The following RIC1 variants were observed in gnomAD, a reference collection of about 807,000 sequenced individuals.
The protein encoded by RIC1 is RIC1 partner of RAB6A GEF complex.
Under a neutral mutation model 169.0 loss-of-function variants are expected in RIC1, and 88 were observed. That is an observed-to-expected ratio of 0.52 (90% CI 0.44 to 0.62). RIC1 has a LOEUF of 0.62. RIC1 is among the 20% of genes least tolerant of loss of function. RIC1 has a pLI of 0.00. For synonymous variants in RIC1, 790 were observed against 601.5 expected (o/e 1.31, Z -4.59); for missense variants, 1,877 against 1,725.5 (o/e 1.09, Z -1.56).
chr9:5,690,399 A>G (rs909629044), intron 3 of RIC1, among the ~76,000 whole-genome samples: 1 of 152,078 alleles, frequency 6.6e-6, no homozygotes, highest in East Asian at 1.9e-4. Flanking sequence ...TTGTATATGC[A>G]TAGAAAAAAA....
chr9:5,721,275 A>G (rs1428695653), intron 6 of RIC1, among the ~76,000 whole-genome samples: 2 of 152,162 alleles, frequency 1.3e-5, no homozygotes, highest in African/African-American at 4.8e-5. Context: ...TTTGCTCCTT[A>G]GTTTAGCTAA....
chr9:5,639,621 T>A (rs1818138032), intron 1 of RIC1, among the ~76,000 whole-genome samples: 1 of 152,260 alleles, frequency 6.6e-6, no homozygotes, highest in Non-Finnish European at 1.5e-5. Flanking sequence ...TAGTGCAGAT[T>A]AAGTCCGATG....
intron 17 of RIC1, 92 bp from the exon 18 acceptor site, chr9:5,762,449 T>G (rs1391212997): frequency 2.8e-6 from 4 of 1,449,876 alleles, no homozygotes; most frequent in Non-Finnish European, 3.8e-6. Flanking sequence ...TAATGTAGAT[T>G]GTTTGACCTA....
In RIC1 at chr9:5,736,215, C is replaced by T. The variant is rs1587067520; in HGVS notation, c.813-2235C>T. The stretch of plus-strand genomic sequence containing the variant: ...ACAAACACCTGCTACCCACTTAGTG[C>T]TGTCTCTCAGCAAGAGTTGATCTAT... On this transcript the variant is annotated intron_variant, in intron 7 of 25. Transcript: ENST00000414202. Among the ~76,000 whole-genome samples, 3 of 152,208 alleles carry T rather than the reference C, an allele frequency of 2.0e-5. No individual in the cohort carries two copies. In the South Asian group the frequency reaches 6.2e-4, roughly 32 times the overall value.
At chr9:5,636,276 T>A (rs1214537929) in intron 1 of RIC1, among the ~76,000 whole-genome samples, 9 of 152,078 alleles carry the variant, frequency 5.9e-5, no homozygotes, top group Admixed American at 5.2e-4. Flanking sequence ...GTATTCTAAG[T>A]ATTTAGTTTT....
At chr9:5,667,500 C>A (rs1050672693) in intron 2 of RIC1, among the ~76,000 whole-genome samples, 1 of 149,628 alleles carries the variant, frequency 6.7e-6, no homozygotes, top group Non-Finnish European at 1.5e-5. Flanking sequence ...CCCTCCACCG[C>A]CACCTTTTTT....
intron 6 of RIC1, among the ~76,000 whole-genome samples, chr9:5,728,153 A>G (rs1824119172): frequency 6.6e-6 from 1 of 152,256 alleles, no homozygotes; most frequent in African/African-American, 2.4e-5. Flanking sequence ...TGGAGTCTAC[A>G]GAGGCAGGCA....
At chr9:5,693,247 G>A (rs554368385) in intron 3 of RIC1, among the ~76,000 whole-genome samples, 4 of 152,234 alleles carry the variant, frequency 2.6e-5, no homozygotes, top group Admixed American at 6.5e-5. Flanking sequence ...AATCTTACAA[G>A]TTCATCACAG....
intron 1 of RIC1, among the ~76,000 whole-genome samples, chr9:5,639,423 T>G (rs887987083): frequency 6.6e-6 from 1 of 152,252 alleles, no homozygotes; most frequent in Non-Finnish European, 1.5e-5. Flanking sequence ...TTGTTCTTAT[T>G]GATTTCTAGT....
chr9:5,689,764 A>G (rs1267679171), intron 2 of RIC1, among the ~76,000 whole-genome samples, 195 bp from the exon 3 acceptor site: 1 of 152,194 alleles, frequency 6.6e-6, no homozygotes, highest in African/African-American at 2.4e-5. Flanking sequence ...AGATTTTGAA[A>G]TCTGTAAAAA....
At chr9:5,681,835 CGTGCTCCTGTATTGG>C (rs1820861831) in intron 2 of RIC1, among the ~76,000 whole-genome samples, 1 of 151,856 alleles carries the variant, frequency 6.6e-6, no homozygotes, top group African/African-American at 2.4e-5. Flanking sequence ...TCCTGTATTG[CGTGCTCCTGTATTGG>C]GTGCATATAT....
intron 1 of RIC1, among the ~76,000 whole-genome samples, chr9:5,631,019 G>T (rs1454325831): frequency 6.6e-6 from 1 of 152,112 alleles, no homozygotes; most frequent in Non-Finnish European, 1.5e-5. Context: ...TAAAAAGGCA[G>T]ACCTAACTTA....
intron 3 of RIC1, among the ~76,000 whole-genome samples, chr9:5,697,721 A>G (rs894548987): frequency 5.3e-5 from 8 of 152,212 alleles, no homozygotes; most frequent in African/African-American, 1.9e-4. Flanking sequence ...CAGAATTTAC[A>G]TAGGACTGCC....
At chr9:5,730,388 C>G (rs1269014860) in intron 6 of RIC1, among the ~76,000 whole-genome samples, 1 of 152,130 alleles carries the variant, frequency 6.6e-6, no homozygotes, top group Non-Finnish European at 1.5e-5. Context: ...TGAACATGAA[C>G]AAATTAGGCT....
At chr9:5,705,914 C>G (rs190183562) in intron 3 of RIC1, among the ~76,000 whole-genome samples, 292 of 151,942 alleles carry the variant, frequency 1.9e-3, no homozygotes, top group African/African-American at 6.5e-3. Context: ...GGGATTTTTC[C>G]CCTTCATTCT....
intron 7 of RIC1, among the ~76,000 whole-genome samples, chr9:5,737,526 C>G (rs1410266333): frequency 2.1e-4 from 31 of 148,128 alleles, no homozygotes; most frequent in Admixed American, 2.1e-3. Flanking sequence ...AATATATTTA[C>G]TATTAATACT....
At chr9:5,757,780 T>A (rs1039433211) in intron 17 of RIC1, among the ~76,000 whole-genome samples, 1 of 152,146 alleles carries the variant, frequency 6.6e-6, no homozygotes, top group Non-Finnish European at 1.5e-5. Context: ...AAGTAGAAAT[T>A]ATCCAAGTTA....
At chr9:5,773,934 C>T (rs770892035) in intron 25 of RIC1, 24 bp from the exon 26 acceptor site, 5 of 1,537,964 alleles carry the variant, frequency 3.3e-6, no homozygotes, top group African/African-American at 1.4e-5. Context: ...GGCAGATGAG[C>T]TAATGTTTTT....
intron 3 of RIC1, among the ~76,000 whole-genome samples, chr9:5,696,699 C>G (rs978912792): frequency 5.9e-5 from 9 of 152,140 alleles, no homozygotes; most frequent in African/African-American, 2.2e-4. Context: ...CTCCAGTTGT[C>G]CTGTATCTCT....
Sources: allele counts gnomAD v4.1 joint callset (sites outside exome capture counted in the v4.1 genomes callset), GRCh38; gene constraint gnomAD v4.1.1; transcripts MANE v1.5; gene names NCBI Gene and HGNC (gene_info 2026-07-23, HGNC 2026-07-21).